The following WWC2 variants were observed in gnomAD, a reference collection of about 807,000 sequenced individuals.
The protein encoded by WWC2 is protein WWC2.
In WWC2, 101 loss-of-function variants were observed where a neutral mutation model predicts 138.5. That is an observed-to-expected ratio of 0.73 (90% CI 0.62 to 0.86). The LOEUF (loss-of-function observed/expected upper bound fraction) is 0.86, where lower values mean the gene tolerates loss of function less well. WWC2 is among the 40% of genes least tolerant of loss of function. The pLI is 0.00. For missense variants in WWC2, 1,420 were observed against 1,419.4 expected (o/e 1.00, Z -0.01); for synonymous variants, 558 against 538.4 (o/e 1.04, Z -0.50).
chr4:183,186,439 T>G (rs1031176873), intron 1 of WWC2, among the ~76,000 whole-genome samples: 3 of 152,122 alleles, frequency 2.0e-5, no homozygotes, highest in Non-Finnish European at 4.4e-5. Context: ...CCTCCTAAAG[T>G]CCTCCTGTTT....
intron 1 of WWC2, among the ~76,000 whole-genome samples, chr4:183,105,912 TGGAC>T (rs1743341143): frequency 1.3e-5 from 2 of 151,884 alleles, no homozygotes; most frequent in Non-Finnish European, 2.9e-5. Context: ...AAAAGAATTT[TGGAC>T]TTCTTTATGC....
At chr4:183,278,611 C>A (rs1158159234) in intron 16 of WWC2, among the ~76,000 whole-genome samples, 4 of 151,900 alleles carry the variant, frequency 2.6e-5, no homozygotes, top group Non-Finnish European at 4.4e-5. Context: ...TACCCATGAG[C>A]ATGGAATGTT....
At chr4:183,303,923 T>G (rs1326852761) in intron 21 of WWC2, among the ~76,000 whole-genome samples, 4 of 151,952 alleles carry the variant, frequency 2.6e-5, no homozygotes, top group Admixed American at 2.6e-4. Context: ...TTTTTAAATG[T>G]TAAATCCCAC....
rs148586592 is a variant in WWC2, at chr4:183,314,704, C to A, written c.3513-959C>A. 6.7e-3 allele frequency among the ~76,000 whole-genome samples: 1,021 copies of A among 152,326 alleles called. 13 individuals carry two copies. Among genetic ancestry groups the A allele is most frequent in the African/African-American group, 0.023 (939 of 41,574 alleles). ...ACTACTTCAGGTATTTTTAAACACC[C>A]CAGTTAGCAGCTGCGCCTTAAGGCC... On this transcript the variant is annotated intron_variant, in intron 22 of 22. Transcript: ENST00000403733.
chr4:183,297,701 C>T (rs1265357458), intron 21 of WWC2, among the ~76,000 whole-genome samples: 3 of 152,152 alleles, frequency 2.0e-5, no homozygotes, highest in African/African-American at 4.8e-5. Context: ...TGAGCCACCG[C>T]ACCTGGCCTG....
intron 4 of WWC2, among the ~76,000 whole-genome samples, chr4:183,220,914 C>A (rs1482189234): frequency 6.7e-6 from 1 of 150,064 alleles, no homozygotes; most frequent in Non-Finnish European, 1.5e-5. Flanking sequence ...ATTTAGTTAA[C>A]CCAAAAGAAG....
At chr4:183,261,583 G>T (rs1737333527) in intron 11 of WWC2, 51 bp downstream of exon 11, 1 of 1,524,638 alleles carries the variant, frequency 6.6e-7, no homozygotes, top group Admixed American at 2.1e-5. Flanking sequence ...ATTTTAAGGA[G>T]AATGATTGGA....
At chr4:183,267,360 C>G (rs1334464414) in intron 14 of WWC2, among the ~76,000 whole-genome samples, 2 of 152,170 alleles carry the variant, frequency 1.3e-5, no homozygotes, top group East Asian at 3.9e-4. Context: ...ATGAAAAACA[C>G]CAGTCAGCGG....
chr4:183,125,694 T>C (rs1732736790), intron 1 of WWC2, among the ~76,000 whole-genome samples: 1 of 152,208 alleles, frequency 6.6e-6, no homozygotes, highest in South Asian at 2.1e-4. Flanking sequence ...TGTTTTAATA[T>C]CGAAGTAGAA....
At chr4:183,296,072 CA>C (rs1738621959) in intron 21 of WWC2, among the ~76,000 whole-genome samples, 2 of 152,206 alleles carry the variant, frequency 1.3e-5, no homozygotes, top group Admixed American at 6.5e-5. Flanking sequence ...TGCTGGCTAA[CA>C]TACCTGACGG....
At chr4:183,121,304 G>T (rs184041853) in intron 1 of WWC2, among the ~76,000 whole-genome samples, 1 of 151,124 alleles carries the variant, frequency 6.6e-6, no homozygotes, top group Non-Finnish European at 1.5e-5. Context: ...GGGTGTTCTT[G>T]ATCTGAAATG....
intron 1 of WWC2, among the ~76,000 whole-genome samples, chr4:183,155,802 G>C (rs1236383382): frequency 1.3e-5 from 2 of 152,110 alleles, no homozygotes. Flanking sequence ...TCTACTCAGA[G>C]TCATTGAGCC....
intron 1 of WWC2, among the ~76,000 whole-genome samples, chr4:183,135,070 A>G (rs1449474066): frequency 6.6e-6 from 1 of 152,010 alleles, no homozygotes; most frequent in Non-Finnish European, 1.5e-5. Flanking sequence ...AGCTGGGACT[A>G]CAGGCGTGTG....
intron 1 of WWC2, among the ~76,000 whole-genome samples, chr4:183,118,599 A>G (rs1321328749): frequency 7.9e-5 from 12 of 152,256 alleles, no homozygotes; most frequent in Admixed American, 7.8e-4. Context: ...ATGTGGACAA[A>G]TACATGAATC....
At chr4:183,159,452 C>G (rs531882623) in intron 1 of WWC2, among the ~76,000 whole-genome samples, 2 of 152,034 alleles carry the variant, frequency 1.3e-5, no homozygotes, top group Non-Finnish European at 2.9e-5. Flanking sequence ...TCATCCAGGC[C>G]GGAGTACAGT....
At chr4:183,253,628 A>T in intron 8 of WWC2, 129 bp from the exon 9 acceptor site, 1 of 1,123,512 alleles carries the variant, frequency 8.9e-7, no homozygotes, top group Non-Finnish European at 1.2e-6. Context: ...AGTAGACCAC[A>T]CCTCTTTCTG....
intron 4 of WWC2, among the ~76,000 whole-genome samples, chr4:183,228,163 A>G (rs529157842): frequency 2.1e-3 from 314 of 152,248 alleles, no homozygotes; most frequent in Non-Finnish European, 3.7e-3. Context: ...GCTGGTATAC[A>G]CAAATAAATA....
intron 4 of WWC2, among the ~76,000 whole-genome samples, chr4:183,225,236 A>G (rs1045917662): frequency 6.6e-6 from 1 of 152,356 alleles, no homozygotes; most frequent in Admixed American, 6.5e-5. Flanking sequence ...AAATACATAC[A>G]TTACCAGTAA....
intron 16 of WWC2, among the ~76,000 whole-genome samples, chr4:183,277,051 A>G (rs1220826454): frequency 5.3e-5 from 8 of 151,260 alleles, no homozygotes; most frequent in Admixed American, 5.3e-4. Context: ...ACATATGTAT[A>G]CATGTGCCAT....
Sources: allele counts gnomAD v4.1 joint callset (sites outside exome capture counted in the v4.1 genomes callset), GRCh38; gene constraint gnomAD v4.1.1; transcripts MANE v1.5; gene names NCBI Gene and HGNC (gene_info 2026-07-23, HGNC 2026-07-21).